Variants in SLC13A3 observed in about 807,000 individuals in gnomAD.
SLC13A3 encodes the protein Na(+)/dicarboxylate cotransporter 3.
In SLC13A3, 40 loss-of-function variants were observed where a neutral mutation model predicts 59.0. That is an observed-to-expected ratio of 0.68 (90% CI 0.53 to 0.88). The LOEUF is 0.88. Among genes scored for constraint, SLC13A3 ranks in the 40% least tolerant of loss-of-function variants. The probability of loss-of-function intolerance (pLI) is 0.00; values close to 1 mark genes in which losing one functional copy is unlikely to be tolerated. For missense variants in SLC13A3, 699 were observed against 783.2 expected, an observed-to-expected ratio of 0.89 and a Z score of 1.28; for synonymous variants, 317 against 330.3, an observed-to-expected ratio of 0.96 and a Z score of 0.44.
chr20:46,676,935 T>C (rs963486128), intron 1 of SLC13A3, among the ~76,000 whole-genome samples: 3 of 151,186 alleles, frequency 2.0e-5, no homozygotes. Context: ...TTTTCTTTTT[T>C]TGAGACAGAG....
At chr20:46,669,100 A>G (rs1196979302) in intron 1 of SLC13A3, among the ~76,000 whole-genome samples, 1 of 152,210 alleles carries the variant, frequency 6.6e-6, no homozygotes, top group Non-Finnish European at 1.5e-5. Context: ...TGAAATCCCA[A>G]TGATACACAC....
intron 2 of SLC13A3, among the ~76,000 whole-genome samples, chr20:46,612,685 C>G (rs2062511473): frequency 6.6e-6 from 1 of 151,882 alleles, no homozygotes; most frequent in African/African-American, 2.4e-5. Context: ...CATTTAAAAA[C>G]ATTATTCTGG....
rs1432862076 is a variant in SLC13A3, at chr20:46,606,166, G to T, written c.541+4280C>A. 2.6e-5 allele frequency among the ~76,000 whole-genome samples: 4 copies of T among 152,200 alleles called. No individual in the cohort carries two copies. The East Asian group carries it at 7.7e-4, about 29-fold the overall frequency. The stretch of plus-strand genomic sequence containing the variant: ...GAGCTTGGAACCTGTGGAGGAGACA[G>T]ATTATAAACCAGGAAGCAAATCAAT... On this transcript the variant is annotated intron_variant, in intron 3 of 12. Transcript: ENST00000279027.
chr20:46,642,102 C>T (rs2062850983), intron 1 of SLC13A3, among the ~76,000 whole-genome samples: 1 of 152,258 alleles, frequency 6.6e-6, no homozygotes. Context: ...GACCCTGCTG[C>T]TCCCCTGTGT....
At chr20:46,635,967 C>T (rs1479536271) in intron 1 of SLC13A3, among the ~76,000 whole-genome samples, 2 of 152,170 alleles carry the variant, frequency 1.3e-5, no homozygotes, top group Non-Finnish European at 2.9e-5. Flanking sequence ...CAGAAGTTAC[C>T]CTATATGGTC....
chr20:46,583,402 C>T, intron 9 of SLC13A3, 170 bp downstream of exon 9: 1 of 1,409,930 alleles, frequency 7.1e-7, no homozygotes, highest in Non-Finnish European at 9.2e-7. Context: ...TCCTGGACTA[C>T]CACCTGGGGC....
At chr20:46,664,060 T>G (rs1335912949) in intron 1 of SLC13A3, among the ~76,000 whole-genome samples, 1 of 152,188 alleles carries the variant, frequency 6.6e-6, no homozygotes, top group Admixed American at 6.5e-5. Flanking sequence ...CATGTGGTTC[T>G]CAACCCCGGC....
Position 46,666,923 on chromosome 20 carries a change from G to A in SLC13A3, c.-31+3120C>T, listed in dbSNP as rs549474332. 3.3e-5 allele frequency among the ~76,000 whole-genome samples: 5 copies of A among 152,206 alleles called. No homozygotes were observed. The South Asian group carries it at 1.0e-3, about 32-fold the overall frequency. On this transcript the variant is annotated intron_variant, in intron 1 of 12. Coordinates refer to the SLC13A3 transcript ENST00000290317. ...AGAAAAATGCCAAGTAACTTGGAGT[G>A]CAGGGAGTACGTGACAATGGCAAAA...
rs774468517 is a variant in SLC13A3, at chr20:46,610,578, A to G, written c.409T>C (p.Phe137Leu). 1.2e-5 allele frequency: 19 copies of G among 1,613,870 alleles called. No individual in the cohort carries two copies. The highest frequency in any genetic ancestry group is 1.6e-4 in the Middle Eastern group (1 of 6,084). ...GTGTTGCTCAGCCACATGGACAAGA[A>G]CGAGGTGGTCACCATCATCCCCAGG... ...LILGMMVTTS[F>L]LSMWLSNTAS... The change falls in exon 3 of 13, where the codon TTC becomes CTC. Residue 137 changes from phenylalanine to leucine, a missense_variant. Transcript: ENST00000279027.
intron 3 of SLC13A3, among the ~76,000 whole-genome samples, chr20:46,606,047 T>C (rs2062434772): frequency 6.6e-6 from 1 of 152,238 alleles, no homozygotes; most frequent in African/African-American, 2.4e-5. Flanking sequence ...CACACATTTA[T>C]TGAACATCTA....
chr20:46,623,636 G>A (rs1165701260), intron 1 of SLC13A3, among the ~76,000 whole-genome samples: 1 of 152,062 alleles, frequency 6.6e-6, no homozygotes, highest in Non-Finnish European at 1.5e-5. Context: ...TCAGTCCCAG[G>A]GTAGTGTTGC....
At chr20:46,625,645 T>A (rs1157679996) in intron 1 of SLC13A3, among the ~76,000 whole-genome samples, 1 of 152,214 alleles carries the variant, frequency 6.6e-6, no homozygotes, top group East Asian at 1.9e-4. Context: ...TCCAAAACAG[T>A]GCTGCAATTT....
intron 1 of SLC13A3, among the ~76,000 whole-genome samples, chr20:46,627,922 C>T (rs142482900): frequency 1.6e-4 from 24 of 152,262 alleles, no homozygotes; most frequent in Non-Finnish European, 2.8e-4. Flanking sequence ...CATGCAGAGC[C>T]TAAGAGTAGA....
Position 46,560,056 on chromosome 20 carries a change from G to A in SLC13A3, c.1775C>T (p.Pro592Leu). ...CCGAAATGTGTCATTGGCCAAGGTG[G>A]GTGGCAATGCTGTGACATTGACCGA... ...MYSVNVTALPPTLANDTFRTL is the reference protein window; with the variant it reads ...MYSVNVTALPLTLANDTFRTL Residue 592 changes from proline to leucine, a missense_variant, in exon 13 of 13, where the codon CCC becomes CTC. Transcript: ENST00000279027. 6.2e-7 allele frequency: 1 copy of A among 1,614,158 alleles called. No homozygotes were observed. Among genetic ancestry groups the A allele is most frequent in the Non-Finnish European group, 8.5e-7 (1 of 1,180,014 alleles).
At chr20:46,569,174 TAG>T (rs1273658952) in intron 10 of SLC13A3, among the ~76,000 whole-genome samples, 1 of 152,084 alleles carries the variant, frequency 6.6e-6, no homozygotes, top group Non-Finnish European at 1.5e-5. Flanking sequence ...TTTTTTTTTG[TAG>T]AGACAGGGTC....
intron 1 of SLC13A3, among the ~76,000 whole-genome samples, chr20:46,642,728 C>G (rs890664049): frequency 6.6e-6 from 1 of 152,206 alleles, no homozygotes; most frequent in African/African-American, 2.4e-5. Context: ...CAGAGCTTTA[C>G]GGTGAGTCAC....
intron 4 of SLC13A3, among the ~76,000 whole-genome samples, chr20:46,597,751 C>G (rs2122699308): frequency 6.6e-6 from 1 of 152,308 alleles, no homozygotes; most frequent in South Asian, 2.1e-4. Context: ...TCTATGTATA[C>G]AGCTGTCTGT....
intron 11 of SLC13A3, among the ~76,000 whole-genome samples, chr20:46,565,697 T>C (rs2061974462): frequency 6.6e-6 from 1 of 152,140 alleles, no homozygotes; most frequent in African/African-American, 2.4e-5. Context: ...ACGGGGATAT[T>C]TGGGAATGCT....
intron 1 of SLC13A3, among the ~76,000 whole-genome samples, chr20:46,675,565 C>CT (rs915765663): frequency 6.4e-4 from 90 of 139,654 alleles, no homozygotes; most frequent in South Asian, 9.4e-4. Flanking sequence ...TTCTTTCTTT[C>CT]TTTTTTTTTT....
Sources: gnomAD v4.1 joint callset for allele counts (sites outside exome capture counted in the v4.1 genomes callset) on GRCh38, gnomAD v4.1.1 for gene constraint, MANE v1.5 for transcripts, NCBI Gene and HGNC (gene_info 2026-07-23, HGNC 2026-07-21) for gene names.